Variants in TOMM6 observed in about 807,000 individuals in gnomAD.
TOMM6 encodes the protein translocase of outer mitochondrial membrane 6, also known as mitochondrial import receptor subunit TOM6 homolog.
In TOMM6, 6 loss-of-function variants were observed where a neutral mutation model predicts 6.0. That is an observed-to-expected ratio of 1.00 (90% CI 0.55 to 1.98). The LOEUF is 1.98. Among genes scored for constraint, TOMM6 ranks in the 30% most tolerant of loss-of-function variants. The pLI, the probability that TOMM6 is intolerant of heterozygous loss-of-function variation, is 0.00. For missense variants in TOMM6, 104 were observed against 95.3 expected (o/e 1.09, Z -0.38); for synonymous variants, 44 against 36.3 (o/e 1.21, Z -0.76).
Position 41,789,134 on chromosome 6 carries a change from G to T in TOMM6, c.129-98G>T. The stretch of plus-strand genomic sequence containing the variant: ...CGTCACAACCACGTATCAACGCCTC[G>T]GGAAGGTGGTGATGGAAGCCTTTCC... On this transcript the variant is annotated intron_variant, in intron 1 of 2. Transcript: ENST00000398881. The T allele has an allele frequency of 3.6e-6, 4 of 1,117,256 alleles. No homozygotes were observed. In the South Asian group the frequency reaches 5.4e-5, roughly 15 times the overall value. The allele number at this position is 1,117,256 out of a possible 1,614,324, so 69.2% of individuals were successfully genotyped here. A position where few individuals can be genotyped will look rare whatever the true frequency, so the allele number is the denominator to read the frequency against.
chr6:41,789,341 G>A lies in TOMM6; in HGVS notation c.*8+5G>A. 2 of 1,546,450 alleles carry A rather than the reference G, an allele frequency of 1.3e-6. No individual in the cohort carries two copies. Among genetic ancestry groups the A allele is most frequent in the African/African-American group, 1.4e-5 (1 of 73,088 alleles). On this transcript the variant is annotated splice_donor_5th_base_variant and intron_variant, in intron 2 of 2. Transcript: ENST00000398881. ...GCCAGGGGTGTAGCCAAGTAGGTAA[G>A]CACTGAACTACACCCATGCGTGTCT... is the stretch of plus-strand genomic sequence containing the variant.
intron 1 of TOMM6, 84 bp downstream of exon 1, chr6:41,787,909 TTTTG>T (rs1772707089): frequency 5.3e-6 from 8 of 1,503,194 alleles, no homozygotes; most frequent in African/African-American, 1.4e-5. Context: ...CCTCAGGGTT[TTTTG>T]TTTTTGTTTT....
Position 41,789,316 on chromosome 6 carries a change from G to T in TOMM6, c.213G>T (p.Gln71His). The T allele has an allele frequency of 6.4e-7, 1 of 1,551,698 alleles. No individual in the cohort carries two copies. The highest frequency in any genetic ancestry group is 1.7e-4 in the Middle Eastern group (1 of 5,976). Reference sequence around the variant, plus strand: ...GTGACATTGACCTCATGGCACCTCAGCCAGGGGTGTAGCCAAGTAGGTAAG... The same window carrying T: ...GTGACATTGACCTCATGGCACCTCATCCAGGGGTGTAGCCAAGTAGGTAAG... ...NLSDIDLMAPQPGV is the reference protein window; with the variant it reads ...NLSDIDLMAPHPGV The change falls in exon 2 of 3, where the codon CAG becomes CAT. Residue 71 changes from glutamine to histidine, a missense_variant. Physicochemically the swap from Gln to His is conservative, Grantham distance 24. Transcript: ENST00000398881.
chr6:41,789,465 A>T, intron 2 of TOMM6, 103 bp from the exon 3 acceptor site: 1 of 728,302 alleles, frequency 1.4e-6, no homozygotes, highest in East Asian at 2.8e-5. Flanking sequence ...TCCTAGTTAA[A>T]TGTGTTTTCA....
intron 1 of TOMM6, among the ~76,000 whole-genome samples, 175 bp from the exon 2 acceptor site, chr6:41,789,057 A>G (rs1772744392): frequency 6.6e-6 from 1 of 152,160 alleles, no homozygotes; most frequent in Admixed American, 6.5e-5. Flanking sequence ...CCTTACACTT[A>G]CTAGGCACAA....
In TOMM6 at chr6:41,789,595, A is replaced by G. The variant is rs1201006540; in HGVS notation, c.*36A>G. The G allele has an allele frequency of 2.8e-6, 1 of 354,306 alleles. No individual in the cohort carries two copies. The highest frequency in any genetic ancestry group is 5.4e-6 in the Non-Finnish European group (1 of 185,690). The allele number at this position is 354,306 out of a possible 1,614,324, so 21.9% of individuals were successfully genotyped here. ...AAATGGAATCCTGTGCTGAACCCGA[A>G]TCTTCCAAAAAACAGCCTACAATCT... is the stretch of plus-strand genomic sequence containing the variant. On this transcript the variant is annotated 3_prime_UTR_variant, in exon 3 of 3. Coordinates refer to ENST00000398881, the MANE Select transcript of TOMM6 (RefSeq NM_001382294.1).
intron 2 of TOMM6, 33 bp from the exon 3 acceptor site, chr6:41,789,535 A>G: frequency 1.9e-6 from 1 of 523,484 alleles, no homozygotes; most frequent in South Asian, 2.2e-5. Context: ...TTACAGTTCT[A>G]ATGCCACCTG....
intron 1 of TOMM6, among the ~76,000 whole-genome samples, chr6:41,788,328 T>A (rs1453605382): frequency 2.5e-4 from 38 of 149,694 alleles, no homozygotes; most frequent in Non-Finnish European, 4.0e-4. Flanking sequence ...GTATTTTTAG[T>A]AGAGACGGGG....
intron 1 of TOMM6, among the ~76,000 whole-genome samples, chr6:41,788,047 C>T (rs982973363): frequency 2.3e-4 from 35 of 152,332 alleles, no homozygotes; most frequent in African/African-American, 8.2e-4. Context: ...TGTAATGTCA[C>T]CCTGATCAAG....
Position 41,787,727 on chromosome 6 carries a change from T to A in TOMM6, c.30T>A (p.Ala10=). The A allele has an allele frequency of 6.4e-7, 1 of 1,551,646 alleles. No homozygotes were observed. Among genetic ancestry groups the A allele is most frequent in the Non-Finnish European group, 8.7e-7 (1 of 1,146,960 alleles). ...CTTCCAGCACTGTCCCGGTGAGCGC[T>A]GCTGGCTCGGCTAATGAAACTCCCG... MASSTVPVS[A]AGSANETPEI... is the part of the protein sequence containing the mutation. Residue 10 remains alanine, a synonymous_variant, in exon 1 of 3, where the codon GCT becomes GCA. Transcript: ENST00000398881.
At chr6:41,787,924 T>A in intron 1 of TOMM6, 99 bp downstream of exon 1, 1 of 1,472,582 alleles carries the variant, frequency 6.8e-7, no homozygotes, top group South Asian at 1.3e-5. Flanking sequence ...TTTTTGTTTT[T>A]TAACATTACC....
Position 41,787,729 on chromosome 6 carries a change from C to G in TOMM6, c.32C>G (p.Ala11Gly). The change falls in exon 1 of 3, where the codon GCT becomes GGT. Residue 11 changes from alanine to glycine, a missense_variant. Coordinates refer to ENST00000398881, the MANE Select transcript of TOMM6 (RefSeq NM_001382294.1). MASSTVPVSA[A>G]GSANETPEIP... ...TCCAGCACTGTCCCGGTGAGCGCTG[C>G]TGGCTCGGCTAATGAAACTCCCGAA... 1 of 1,551,708 alleles carries G rather than the reference C, an allele frequency of 6.4e-7. No homozygotes were observed. The highest frequency in any genetic ancestry group is 8.7e-7 in the Non-Finnish European group (1 of 1,146,986).
In TOMM6 at chr6:41,789,848, C is replaced by T. The variant is rs1247454881; in HGVS notation, c.*289C>T. The T allele has an allele frequency of 2.0e-5, 3 of 152,596 alleles. No individual in the cohort carries two copies. The highest frequency in any genetic ancestry group is 4.8e-5 in the African/African-American group (2 of 41,434). The allele number at this position is 152,596 out of a possible 1,614,324, so 9.5% of individuals were successfully genotyped here. A position where few individuals can be genotyped will look rare whatever the true frequency, so the allele number is the denominator to read the frequency against. On this transcript the variant is annotated 3_prime_UTR_variant, in exon 3 of 3. Transcript: ENST00000398881. ...TTTTTGCTCTTGTCCTGAGAAATAA[C>T]AGTGCTGTTTTAAAAAACATTTGAA... is the stretch of plus-strand genomic sequence containing the variant.
In TOMM6 at chr6:41,789,552, TATC is replaced by T; in HGVS notation, c.*9-12_*9-10del. 2 of 473,718 alleles carry T rather than the reference TATC, an allele frequency of 4.2e-6. No homozygotes were observed. The highest frequency in any genetic ancestry group is 3.7e-5 in the East Asian group (1 of 26,836). The allele number at this position is 473,718 out of a possible 1,614,324, so 29.3% of individuals were successfully genotyped here. On this transcript the variant is annotated splice_polypyrimidine_tract_variant and intron_variant, in intron 2 of 2. Coordinates refer to ENST00000398881, the MANE Select transcript of TOMM6 (RefSeq NM_001382294.1). ...ACAGTTCTAATGCCACCTGTCGTCT[TATC>T]ATCTGATTGCAGACAAATGGAATCC...
intron 1 of TOMM6, among the ~76,000 whole-genome samples, chr6:41,788,349 T>C (rs1772722084): frequency 6.7e-6 from 1 of 150,344 alleles, no homozygotes; most frequent in Non-Finnish European, 1.5e-5. Context: ...TTTCACCGTG[T>C]TATCCAGGAT....
intron 1 of TOMM6, among the ~76,000 whole-genome samples, chr6:41,788,634 G>C (rs1038426302): frequency 1.4e-5 from 2 of 147,912 alleles, no homozygotes; most frequent in Non-Finnish European, 3.0e-5. Flanking sequence ...TGTATTTTTA[G>C]TAGAGACGGG....
intron 1 of TOMM6, among the ~76,000 whole-genome samples, chr6:41,788,934 C>T (rs1297398390): frequency 4.6e-5 from 7 of 151,792 alleles, no homozygotes; most frequent in Non-Finnish European, 4.4e-5. Context: ...TTAGTAGAGA[C>T]GGGGTTTCAC....
Position 41,787,778 on chromosome 6 carries a change from G to C in TOMM6, c.81G>C (p.Trp27Cys). 6.4e-7 allele frequency: 1 copy of C among 1,551,774 alleles called. No individual in the cohort carries two copies. Reference sequence around the variant, plus strand: ...AAATACCGGACAACGTGGGAGATTGGCTTCGGGGCGTCTACCGCTTTGCCA... The same window carrying C: ...AAATACCGGACAACGTGGGAGATTGCCTTCGGGGCGTCTACCGCTTTGCCA... ...TPEIPDNVGD[W>C]LRGVYRFATD... The change falls in exon 1 of 3, where the codon TGG becomes TGC. Residue 27 changes from tryptophan (W) to cysteine (C), a missense_variant. Coordinates refer to ENST00000398881, the MANE Select transcript of TOMM6 (RefSeq NM_001382294.1).
In TOMM6 at chr6:41,788,443, C is replaced by CTTTTT. The variant is rs70987535; in HGVS notation, c.128+641_128+645dup. ...ACAGGCGTGAGCCACCACGCCCGGC[C>CTTTTT]TTTTTTTTTTTTTTTTTTTTTTTTT... is the stretch of plus-strand genomic sequence containing the variant. On this transcript the variant is annotated intron_variant, in intron 1 of 2. Transcript: ENST00000398881. Among the ~76,000 whole-genome samples, 28 of 38,322 alleles carry CTTTTT rather than the reference C, an allele frequency of 7.3e-4. 4 individuals are homozygous for CTTTTT. Among genetic ancestry groups the CTTTTT allele is most frequent in the East Asian group, 2.9e-3 (3 of 1,048 alleles). The allele number at this position is 38,322 out of a possible 152,430, so 25.1% of individuals were successfully genotyped here.
Sources: gnomAD v4.1 joint callset for allele counts (sites outside exome capture counted in the v4.1 genomes callset) on GRCh38, gnomAD v4.1.1 for gene constraint, MANE v1.5 for transcripts, NCBI Gene and HGNC (gene_info 2026-07-23, HGNC 2026-07-21) for gene names.